The following SAXO1 variants were observed in gnomAD, a reference collection of about 807,000 sequenced individuals.
SAXO1 encodes the protein 4930500O09Rik.
A neutral mutation model predicts 17.5 loss-of-function variants in SAXO1; 21 were observed. The observed-to-expected ratio is 1.20, with a 90% CI of 0.85 to 1.72. The LOEUF is 1.72. SAXO1 is among the 40% of genes most tolerant of loss of function. The pLI, the probability that SAXO1 is intolerant of heterozygous loss-of-function variation, is 0.00. For synonymous variants in SAXO1, 274 were observed against 216.5 expected (o/e 1.27, Z -2.33); for missense variants, 843 against 596.0 (o/e 1.41, Z -4.32).
At chr9:19,024,058 A>G (rs1334563270) in intron 1 of SAXO1, among the ~76,000 whole-genome samples, 3 of 64,258 alleles carry the variant, frequency 4.7e-5, no homozygotes, top group African/African-American at 6.3e-5. Flanking sequence ...GGAAAAGACT[A>G]TTTATCTATG....
intron 1 of SAXO1, among the ~76,000 whole-genome samples, chr9:19,028,870 G>A (rs1037817744): frequency 5.9e-5 from 9 of 152,122 alleles, no homozygotes; most frequent in African/African-American, 1.4e-4. Context: ...TCTGAAAGGC[G>A]TACCACTTTC....
intron 1 of SAXO1, among the ~76,000 whole-genome samples, chr9:19,020,754 T>C (rs1403996000): frequency 6.6e-6 from 1 of 152,216 alleles, no homozygotes. Flanking sequence ...GTCTTCTGTG[T>C]CTTCATCCAA....
chr9:18,931,939 T>C (rs1397324685), intron 3 of SAXO1, among the ~76,000 whole-genome samples: 2 of 152,226 alleles, frequency 1.3e-5, no homozygotes, highest in African/African-American at 4.8e-5. Context: ...TTTACAAATT[T>C]TTTTCCAAGT....
chr9:19,022,416 T>A (rs899131991), intron 1 of SAXO1, among the ~76,000 whole-genome samples: 1 of 152,226 alleles, frequency 6.6e-6, no homozygotes. Context: ...AGCATGTTCT[T>A]CCCCTAATAT....
intron 1 of SAXO1, among the ~76,000 whole-genome samples, chr9:18,994,418 C>T (rs1833927149): frequency 1.3e-5 from 2 of 152,156 alleles, no homozygotes; most frequent in African/African-American, 4.8e-5. Flanking sequence ...AGGACTTTTG[C>T]TGTAAAATTA....
At position 19,011,848 on chromosome 9, in the gene SAXO1, G is replaced by GTTTTTTTTTTTTTTTTTTTTT. The variant is rs10646825; in HGVS notation, c.38+21022_38+21023insAAAAAAAAAAAAAAAAAAAAA. 4.9e-5 allele frequency among the ~76,000 whole-genome samples: 7 copies of GTTTTTTTTTTTTTTTTTTTTT among 143,522 alleles called. 2 individuals are homozygous for GTTTTTTTTTTTTTTTTTTTTT. Among genetic ancestry groups the GTTTTTTTTTTTTTTTTTTTTT allele is most frequent in the Non-Finnish European group, 9.0e-5 (6 of 66,496 alleles). The allele number at this position is 143,522 out of a possible 152,430, so 94.2% of individuals were successfully genotyped here. A position where few individuals can be genotyped will look rare whatever the true frequency, so the allele number is the denominator to read the frequency against. ...TTCAATTTTACCATTATTAAGCATAGATTTTTTTTTTTTTTTGAGATGGAG... is the reference window on the plus strand; with the variant it reads ...TTCAATTTTACCATTATTAAGCATAGTTTTTTTTTTTTTTTTTTTTTATTTTTTTTTTTTTTTGAGATGGAG... On this transcript the variant is annotated intron_variant, in intron 1 of 3. Coordinates refer to ENST00000380534, the MANE Select transcript of SAXO1 (RefSeq NM_153707.4).
intron 3 of SAXO1, among the ~76,000 whole-genome samples, chr9:18,940,768 C>A (rs939856000): frequency 6.6e-6 from 1 of 152,138 alleles, no homozygotes; most frequent in Non-Finnish European, 1.5e-5. Flanking sequence ...CATATGACCA[C>A]GTATCTTGTC....
chr9:19,024,935 C>T (rs1474426192), intron 1 of SAXO1, among the ~76,000 whole-genome samples: 4 of 152,152 alleles, frequency 2.6e-5, no homozygotes, highest in East Asian at 1.9e-4. Flanking sequence ...TTACTCTGAA[C>T]GGATCCATCT....
At chr9:19,032,255 A>T (rs376050740) in intron 1 of SAXO1, among the ~76,000 whole-genome samples, 122 of 152,324 alleles carry the variant, frequency 8.0e-4, no homozygotes, top group African/African-American at 2.7e-3. Context: ...ACAGCAGACC[A>T]GTCAGCCCGT....
At chr9:18,978,226 G>A (rs562521193) in intron 1 of SAXO1, among the ~76,000 whole-genome samples, 29 of 151,906 alleles carry the variant, frequency 1.9e-4, no homozygotes, top group African/African-American at 6.3e-4. Flanking sequence ...AATGCAATGA[G>A]AGTGATGAAT....
chr9:18,993,640 A>C (rs1307491423), intron 1 of SAXO1, among the ~76,000 whole-genome samples: 1 of 152,204 alleles, frequency 6.6e-6, no homozygotes, highest in Non-Finnish European at 1.5e-5. Context: ...GCTTCAAGAG[A>C]GAACAGGCTC....
chr9:18,941,964 T>A (rs1249505985), intron 2 of SAXO1, 125 bp from the exon 3 acceptor site: 2 of 823,344 alleles, frequency 2.4e-6, no homozygotes, highest in Admixed American at 4.5e-5. Flanking sequence ...CCTTCCCTCC[T>A]CCCCCGAACT....
At position 19,015,065 on chromosome 9, in the gene SAXO1, T is replaced by G. The variant is rs535294645; in HGVS notation, c.38+17806A>C. ...GCTGATGATGATGAAGGGCGTTAAG[T>G]GCTGGTGTCACGTGTCAAAGCTGCT... On this transcript the variant is annotated intron_variant, in intron 1 of 3. Coordinates refer to ENST00000380534, the MANE Select transcript of SAXO1 (RefSeq NM_153707.4). Among the ~76,000 whole-genome samples the G allele has an allele frequency of 2.0e-5, 3 of 152,278 alleles. No homozygotes were observed. The East Asian group carries it at 5.8e-4, about 29-fold the overall frequency.
chr9:18,971,405 C>G (rs113233084), intron 1 of SAXO1, among the ~76,000 whole-genome samples: 1 of 151,834 alleles, frequency 6.6e-6, no homozygotes, highest in African/African-American at 2.4e-5. Context: ...TCTGTCTCTA[C>G]GGAGCTTTTC....
intron 1 of SAXO1, among the ~76,000 whole-genome samples, chr9:19,045,682 G>A (rs544470023): frequency 5.5e-4 from 84 of 152,240 alleles, no homozygotes; most frequent in Middle Eastern, 6.8e-3. Flanking sequence ...TGAGGCAGGC[G>A]GCAAGACTTT....
chr9:18,928,592 G>A lies in SAXO1; in HGVS notation c.885C>T (p.Val295=), dbSNP rs1432551683. 14 of 1,614,188 alleles carry A rather than the reference G, an allele frequency of 8.7e-6. No individual in the cohort carries two copies. In the South Asian group the frequency reaches 1.1e-4, roughly 13 times the overall value. ...RMFSKAPITY[V]PPEDRMDLLT... ...GAAGATCCATCCTGTCTTCGGGAGG[G>A]ACGTAGGTGATGGGAGCTTTGGAGA... is the stretch of plus-strand genomic sequence containing the variant. Residue 295 remains valine (V), a synonymous_variant, in exon 4 of 4, where the codon GTC becomes GTT. Transcript: ENST00000380534.
chr9:19,027,182 G>C, intron 1 of SAXO1: 1 of 1,198,236 alleles, frequency 8.3e-7, no homozygotes, highest in Non-Finnish European at 1.2e-6. Context: ...ATATTGACCT[G>C]GACTCCCAGA....
At chr9:19,017,317 C>A (rs1478721388) in intron 1 of SAXO1, among the ~76,000 whole-genome samples, 1 of 152,144 alleles carries the variant, frequency 6.6e-6, no homozygotes, top group Non-Finnish European at 1.5e-5. Flanking sequence ...TCAACCACAC[C>A]CCAAACCTCA....
intron 1 of SAXO1, among the ~76,000 whole-genome samples, chr9:18,997,867 C>A (rs923607117): frequency 2.0e-5 from 3 of 152,196 alleles, no homozygotes; most frequent in African/African-American, 7.2e-5. Flanking sequence ...AACAGACATG[C>A]AGCTGAGGGG....
Sources: gnomAD v4.1 joint callset for allele counts (sites outside exome capture counted in the v4.1 genomes callset) on GRCh38, gnomAD v4.1.1 for gene constraint, MANE v1.5 for transcripts, NCBI Gene and HGNC (gene_info 2026-07-23, HGNC 2026-07-21) for gene names.